CLGN: variants seen among roughly 807,000 people sequenced by gnomAD.
CLGN encodes calmegin.
CLGN carries 62 observed loss-of-function variants against 79.1 expected under a neutral mutation model. The ratio of observed to expected loss-of-function variants is 0.78; its 90% CI spans 0.64 to 0.97. The LOEUF (loss-of-function observed/expected upper bound fraction) is 0.97. CLGN is among the 50% of genes least tolerant of loss of function. The pLI, the probability that CLGN is intolerant of heterozygous loss-of-function variation, is 0.00. For missense variants in CLGN, 647 were observed against 715.5 expected, an observed-to-expected ratio of 0.90 and a Z score of 1.09; for synonymous variants, 225 against 224.7, an observed-to-expected ratio of 1.00 and a Z score of -0.01.
chr4:140,420,556 A>T (rs544598911), intron 1 of CLGN, among the ~76,000 whole-genome samples: 2,258 of 145,044 alleles, frequency 0.016, 56 homozygotes, highest in African/African-American at 0.058. Context: ...CTTTTTTTTA[A>T]AAAAAAAAAT....
At chr4:140,401,860 T>C (rs989552157) in intron 6 of CLGN, 125 bp downstream of exon 6, 23 of 582,000 alleles carry the variant, frequency 4.0e-5, no homozygotes, top group East Asian at 1.3e-4. Context: ...TAAATTCACA[T>C]TGAAAAAAGA....
chr4:140,421,979 A>C (rs10012138), intron 1 of CLGN, among the ~76,000 whole-genome samples: 1 of 151,902 alleles, frequency 6.6e-6, no homozygotes. Flanking sequence ...GTAAGGTTAC[A>C]ACCTCATTCT....
chr4:140,402,912 A>G (rs1209690517), intron 5 of CLGN, among the ~76,000 whole-genome samples: 2 of 152,216 alleles, frequency 1.3e-5, no homozygotes, highest in Non-Finnish European at 2.9e-5. Flanking sequence ...TGAAAACTAG[A>G]GAAATAACCA....
chr4:140,395,855 T>A lies in CLGN; in HGVS notation c.1113A>T (p.Val371=). ...GATTATCGACCAGTGGAGGTCTCCA[T>A]ACTCCTTTGTATTTTGGGTTATCTA... ...PMIDNPKYKG[V]WRPPLVDNPN... Residue 371 remains valine (V), a synonymous_variant, in exon 10 of 15, where the codon GTA becomes GTT. Coordinates refer to ENST00000325617, the MANE Select transcript of CLGN (RefSeq NM_004362.3). The A allele has an allele frequency of 6.3e-7, 1 of 1,575,884 alleles. No homozygotes were observed. The highest frequency in any genetic ancestry group is 8.6e-7 in the Non-Finnish European group (1 of 1,167,032).
In CLGN at chr4:140,390,669, C is replaced by T; in HGVS notation, c.1711G>A (p.Glu571Lys). ...EEEIEIIEGQEESNQSNKSGS... is the reference protein window; with the variant it reads ...EEEIEIIEGQKESNQSNKSGS... ...GACTTATTTGATTGATTACTTTCTT[C>T]TTGCCCTTCTATGATTTCAATTTCT... The change falls in exon 14 of 15, where the codon GAA becomes AAA. Residue 571 changes from glutamate (E) to lysine (K), a missense_variant. Transcript: ENST00000325617. 1 of 1,605,498 alleles carries T rather than the reference C, an allele frequency of 6.2e-7. No homozygotes were observed. The highest frequency in any genetic ancestry group is 8.5e-7 in the Non-Finnish European group (1 of 1,175,078).
At chr4:140,391,499 A>ATG (rs1324980192) in intron 13 of CLGN, among the ~76,000 whole-genome samples, 2 of 151,430 alleles carry the variant, frequency 1.3e-5, no homozygotes, top group Admixed American at 6.6e-5. Flanking sequence ...GTGTATGTAT[A>ATG]TGTGTGTATA....
At chr4:140,396,901 A>ATGTG (rs1553944638) in intron 8 of CLGN, among the ~76,000 whole-genome samples, 18 of 64,184 alleles carry the variant, frequency 2.8e-4, no homozygotes, top group African/African-American at 8.6e-4. Flanking sequence ...GTATATATAT[A>ATGTG]TATATGTATA....
intron 4 of CLGN, among the ~76,000 whole-genome samples, chr4:140,409,541 G>C (rs1326206504): frequency 6.6e-6 from 1 of 151,902 alleles, no homozygotes; most frequent in Non-Finnish European, 1.5e-5. Flanking sequence ...TGAAACCATA[G>C]AGACAGCAGT....
At chr4:140,414,951 A>C (rs1348043847) in intron 1 of CLGN, among the ~76,000 whole-genome samples, 1 of 150,934 alleles carries the variant, frequency 6.6e-6, no homozygotes, top group Non-Finnish European at 1.5e-5. Flanking sequence ...AGCCAGAGAG[A>C]AAGGTCGGGT....
intron 4 of CLGN, among the ~76,000 whole-genome samples, chr4:140,409,023 A>G (rs1289272574): frequency 6.6e-6 from 1 of 151,952 alleles, no homozygotes; most frequent in Admixed American, 6.5e-5. Context: ...TGCAGGTATG[A>G]TCTTTATCTT....
intron 1 of CLGN, among the ~76,000 whole-genome samples, chr4:140,418,939 A>T (rs1443808138): frequency 6.6e-6 from 1 of 152,208 alleles, no homozygotes; most frequent in Non-Finnish European, 1.5e-5. Flanking sequence ...AATAGCAAAG[A>T]CTTGGAACCA....
intron 3 of CLGN, 120 bp downstream of exon 3, chr4:140,410,433 A>G: frequency 2.9e-6 from 2 of 681,226 alleles, no homozygotes; most frequent in Non-Finnish European, 5.2e-6. Context: ...TACATTGTCA[A>G]TTAAACTACT....
intron 5 of CLGN, among the ~76,000 whole-genome samples, chr4:140,402,792 G>A (rs1035472904): frequency 6.6e-6 from 1 of 151,942 alleles, no homozygotes; most frequent in Non-Finnish European, 1.5e-5. Flanking sequence ...GAGATTTTTT[G>A]TTGTTAAATT....
intron 1 of CLGN, among the ~76,000 whole-genome samples, chr4:140,424,454 G>C (rs535122718): frequency 6.6e-6 from 1 of 152,230 alleles, no homozygotes; most frequent in African/African-American, 2.4e-5. Context: ...AATGTTCTAT[G>C]TGCAGTTAAG....
At chr4:140,401,173 T>C (rs745699115) in intron 6 of CLGN, among the ~76,000 whole-genome samples, 1 of 152,206 alleles carries the variant, frequency 6.6e-6, no homozygotes, top group East Asian at 1.9e-4. Flanking sequence ...GAGATGATAA[T>C]AGTACCTACC....
intron 13 of CLGN, 62 bp downstream of exon 13, chr4:140,392,157 C>A (rs1578897757): frequency 6.5e-7 from 1 of 1,540,390 alleles, no homozygotes; most frequent in Non-Finnish European, 8.8e-7. Context: ...TATTTCAAGG[C>A]CATATACAGT....
At chr4:140,411,404 A>G (rs907338433) in intron 2 of CLGN, among the ~76,000 whole-genome samples, 3 of 152,102 alleles carry the variant, frequency 2.0e-5, no homozygotes, top group Admixed American at 1.3e-4. Flanking sequence ...AAAATAATTT[A>G]AAAGAGTAAA....
At chr4:140,413,849 C>T (rs1729266429) in intron 1 of CLGN, among the ~76,000 whole-genome samples, 1 of 152,254 alleles carries the variant, frequency 6.6e-6, no homozygotes, top group Admixed American at 6.5e-5. Flanking sequence ...CTGGGCGGAG[C>T]CCACCACAGC....
intron 5 of CLGN, among the ~76,000 whole-genome samples, chr4:140,405,341 C>A (rs1374337512): frequency 6.7e-6 from 1 of 149,806 alleles, no homozygotes; most frequent in Non-Finnish European, 1.5e-5. Context: ...CCCGCCACTA[C>A]GCCCGGCTAA....
Sources: allele counts gnomAD v4.1 joint callset (sites outside exome capture counted in the v4.1 genomes callset), GRCh38; gene constraint gnomAD v4.1.1; transcripts MANE v1.5; gene names NCBI Gene and HGNC (gene_info 2026-07-23, HGNC 2026-07-21).